The following KDM4C variants were observed in gnomAD, a reference collection of about 807,000 sequenced individuals.
KDM4C encodes the protein lysine demethylase 4C, also known as lysine-specific demethylase 4C.
KDM4C carries 81 observed loss-of-function variants against 129.3 expected under a neutral mutation model. The observed-to-expected ratio is 0.63, with a 90% CI of 0.52 to 0.75. KDM4C has a LOEUF of 0.75. KDM4C is among the 30% of genes least tolerant of loss of function. The pLI is 0.00. For synonymous variants in KDM4C, 573 were observed against 456.1 expected, an observed-to-expected ratio of 1.26 and a Z score of -3.26; for missense variants, 1,457 against 1,304.0, an observed-to-expected ratio of 1.12 and a Z score of -1.81.
At chr9:6,920,164 G>C (rs2131191865) in intron 8 of KDM4C, among the ~76,000 whole-genome samples, 1 of 152,228 alleles carries the variant, frequency 6.6e-6, no homozygotes. Flanking sequence ...GGGAATGGGT[G>C]CTGGTGATTG....
In KDM4C at chr9:6,888,908, C is replaced by A. The variant is rs1456825999; in HGVS notation, c.783+845C>A. The stretch of plus-strand genomic sequence containing the variant: ...GTTCACGCCATTCTCCTGCCTCAGC[C>A]TCCCAAGTAGCTGGGACTACAGGCG... On this transcript the variant is annotated intron_variant, in intron 7 of 21. Coordinates refer to ENST00000381309, the MANE Select transcript of KDM4C (RefSeq NM_015061.6). 4.9e-5 allele frequency among the ~76,000 whole-genome samples: 4 copies of A among 82,148 alleles called. 2 individuals are homozygous for A. The East Asian group carries it at 1.2e-3, about 24-fold the overall frequency. The allele number at this position is 82,148 out of a possible 152,430, so 53.9% of individuals were successfully genotyped here. A position where few individuals can be genotyped will look rare whatever the true frequency, so the allele number is the denominator to read the frequency against.
intron 6 of KDM4C, among the ~76,000 whole-genome samples, chr9:6,887,340 G>A (rs982854061): frequency 2.6e-5 from 4 of 152,220 alleles, no homozygotes; most frequent in East Asian, 1.9e-4. Context: ...GTTGTTGTAT[G>A]TTTAACTTCC....
At chr9:6,939,384 G>C (rs1825428745) in intron 8 of KDM4C, among the ~76,000 whole-genome samples, 1 of 152,024 alleles carries the variant, frequency 6.6e-6, no homozygotes, top group Admixed American at 6.6e-5. Context: ...AACAAGCTCA[G>C]GGCCGCCACT....
At chr9:7,134,181 C>T (rs368569455) in intron 19 of KDM4C, among the ~76,000 whole-genome samples, 1 of 152,302 alleles carries the variant, frequency 6.6e-6, no homozygotes, top group African/African-American at 2.4e-5. Context: ...GCCCACATGG[C>T]CTTTCACTCT....
At chr9:6,737,333 AC>A (rs1400800555) in intron 1 of KDM4C, among the ~76,000 whole-genome samples, 1 of 151,860 alleles carries the variant, frequency 6.6e-6, no homozygotes, top group African/African-American at 2.4e-5. Flanking sequence ...AAACAAATTA[AC>A]AAGCCAAAAA....
In KDM4C at chr9:7,061,309, C is replaced by G. The variant is rs146925339; in HGVS notation, c.2424+12109C>G. On this transcript the variant is annotated intron_variant, in intron 17 of 21. Transcript: ENST00000381309. ...CAAGATATTCAGATACACCAGGATG[C>G]ATATCAATTTCATGTCCTTTGAGAA... is the stretch of plus-strand genomic sequence containing the variant. 1.2e-4 allele frequency among the ~76,000 whole-genome samples: 19 copies of G among 152,316 alleles called. No individual in the cohort carries two copies. The East Asian group carries it at 3.7e-3, about 29-fold the overall frequency.
chr9:6,903,475 G>A (rs1817746901), intron 8 of KDM4C, among the ~76,000 whole-genome samples: 1 of 152,194 alleles, frequency 6.6e-6, no homozygotes, highest in Admixed American at 6.5e-5. Flanking sequence ...TAAGCATCCT[G>A]AAGAGAAGGT....
intron 4 of KDM4C, among the ~76,000 whole-genome samples, chr9:6,816,957 A>G (rs1422342371): frequency 6.6e-5 from 10 of 151,752 alleles, no homozygotes; most frequent in Non-Finnish European, 1.5e-4. Flanking sequence ...TTCAAATATG[A>G]ATTTTTAATT....
intron 4 of KDM4C, among the ~76,000 whole-genome samples, chr9:6,848,937 G>T (rs1838342758): frequency 6.6e-6 from 1 of 152,194 alleles, no homozygotes; most frequent in South Asian, 2.1e-4. Context: ...AGTGGATACT[G>T]CCAAGAGTTT....
chr9:6,869,527 G>T (rs1008895132), intron 5 of KDM4C, among the ~76,000 whole-genome samples: 1 of 152,226 alleles, frequency 6.6e-6, no homozygotes, highest in Non-Finnish European at 1.5e-5. Flanking sequence ...GAATAATACT[G>T]CTCACAGTGG....
chr9:7,159,206 A>G (rs1018035279), intron 19 of KDM4C, among the ~76,000 whole-genome samples: 13 of 151,490 alleles, frequency 8.6e-5, no homozygotes, highest in Admixed American at 2.0e-4. Flanking sequence ...CCATTCCTTT[A>G]TTTTGTACCT....
At position 6,782,828 on chromosome 9, in the gene KDM4C, C is replaced by T. The variant is rs144784082; in HGVS notation, c.-17-10144C>T. Among the ~76,000 whole-genome samples, 18 of 152,126 alleles carry T rather than the reference C, an allele frequency of 1.2e-4. No homozygotes were observed. In the East Asian group the frequency reaches 1.5e-3, roughly 13 times the overall value. ...ATATAGATGTATGGAAGAGAATTGACGGTGGTGAACTAAAGGTGGGAAAAT... is the reference window on the plus strand; with the variant it reads ...ATATAGATGTATGGAAGAGAATTGATGGTGGTGAACTAAAGGTGGGAAAAT... On this transcript the variant is annotated intron_variant, in intron 1 of 21. Coordinates refer to ENST00000381309, the MANE Select transcript of KDM4C (RefSeq NM_015061.6).
intron 17 of KDM4C, among the ~76,000 whole-genome samples, chr9:7,095,990 A>G (rs1836388073): frequency 6.6e-6 from 1 of 152,226 alleles, no homozygotes; most frequent in Admixed American, 6.5e-5. Flanking sequence ...TACTTAGAAA[A>G]CACCTATTTT....
At chr9:7,014,116 G>T in intron 14 of KDM4C, 115 bp downstream of exon 14, 1 of 748,428 alleles carries the variant, frequency 1.3e-6, no homozygotes, top group South Asian at 1.9e-5. Flanking sequence ...CATTCTTAAT[G>T]GTTATATCAT....
chr9:6,736,160 G>A (rs368673279), intron 1 of KDM4C, among the ~76,000 whole-genome samples: 15 of 152,232 alleles, frequency 9.9e-5, no homozygotes, highest in African/African-American at 3.6e-4. Context: ...GTGGTGACTT[G>A]GGTGCTGTTA....
At chr9:7,083,182 C>G (rs746015519) in intron 17 of KDM4C, among the ~76,000 whole-genome samples, 1 of 152,128 alleles carries the variant, frequency 6.6e-6, no homozygotes, top group African/African-American at 2.4e-5. Context: ...ATCCAAAATT[C>G]TTGTTACCAG....
intron 15 of KDM4C, among the ~76,000 whole-genome samples, chr9:7,024,500 C>G (rs550878804): frequency 2.7e-5 from 4 of 150,144 alleles, no homozygotes; most frequent in Admixed American, 6.6e-5. Flanking sequence ...CACCCCACAA[C>G]AGTCCCTGGA....
chr9:7,017,050 T>C (rs818885), intron 15 of KDM4C, among the ~76,000 whole-genome samples: 151,191 of 152,220 alleles, frequency 0.99, 75,094 homozygotes, highest in Middle Eastern at 1. Context: ...ATCTTCCCAC[T>C]TCACCCTCCT....
chr9:7,016,005 A>C, intron 15 of KDM4C, 76 bp downstream of exon 15: 3 of 1,012,212 alleles, frequency 3.0e-6, no homozygotes, highest in Non-Finnish European at 4.6e-6. Context: ...GTCTAGGGAA[A>C]AGATAAGATT....
Sources: allele counts gnomAD v4.1 joint callset (sites outside exome capture counted in the v4.1 genomes callset), GRCh38; gene constraint gnomAD v4.1.1; transcripts MANE v1.5; gene names NCBI Gene and HGNC (gene_info 2026-07-23, HGNC 2026-07-21).